The following TTN variants were observed in gnomAD, a reference collection of about 807,000 sequenced individuals.
TTN encodes the protein connectin.
In TTN, 1,525 loss-of-function variants were observed where a neutral mutation model predicts 3,223.0. The ratio of observed to expected loss-of-function variants is 0.47; its 90% CI spans 0.45 to 0.49. TTN has a LOEUF of 0.49. Ranked by LOEUF, TTN falls within the 20% of genes least tolerant of loss-of-function variation. TTN has a pLI of 0.00. For missense variants in TTN, 40,786 were observed against 43,424.0 expected (o/e 0.94, Z 5.40); for synonymous variants, 14,094 against 15,161.0 (o/e 0.93, Z 5.17).
In TTN at chr2:178,786,068, GGC is replaced by G; in HGVS notation, c.2148_2149del (p.Glu716AspfsTer8). On this transcript the variant is annotated frameshift_variant, in exon 14 of 363. Coordinates refer to ENST00000589042, the MANE Select transcript of TTN (RefSeq NM_001267550.2). LOFTEE classifies it high-confidence loss of function. ...TTCTTCAAGATGCCCAGGCTCTCTG[GGC>G]TCTCTGACTCGGGCCTGGTCTACTG... 6.2e-7 allele frequency: 1 copy of G among 1,613,968 alleles called. No individual in the cohort carries two copies. The highest frequency in any genetic ancestry group is 8.5e-7 in the Non-Finnish European group (1 of 1,179,996).
In TTN at chr2:178,617,215, C is replaced by A. The variant is rs2057501392; in HGVS notation, c.47780G>T (p.Gly15927Val). The stretch of plus-strand genomic sequence containing the variant: ...AGATACTCTATATAAATATTTATTT[C>A]CTTTTTCCAATCCGGTAACCTACGA... ...LTYKVTGLEK[G>V]NKYLYRVSAE... The change falls in exon 255 of 363, where the codon GGA becomes GTA. Residue 15927 changes from glycine (G) to valine (V), a missense_variant. Transcript: ENST00000589042. 6.4e-7 allele frequency: 1 copy of A among 1,551,976 alleles called. No individual in the cohort carries two copies. Among genetic ancestry groups the A allele is most frequent in the Non-Finnish European group, 8.7e-7 (1 of 1,150,586 alleles).
In TTN at chr2:178,679,948, C is replaced by T; in HGVS notation, c.33526G>A (p.Glu11176Lys). 6.2e-7 allele frequency: 1 copy of T among 1,613,146 alleles called. No individual in the cohort carries two copies. Among genetic ancestry groups the T allele is most frequent in the Non-Finnish European group, 8.5e-7 (1 of 1,179,398 alleles). ...TCCTCAGTTATGAACTCCTCTTCTT[C>T]ATGAATGTACTCTTCTTCTTCTTCT... ...LVEEEEEYIH[E>K]EEEFITEEEV... The change falls in exon 140 of 363, where the codon GAA becomes AAA. Residue 11176 changes from glutamate (E) to lysine (K), a missense_variant. By Grantham distance (56) the Glu-to-Lys change is moderately conservative. Transcript: ENST00000589042.
chr2:178,718,262 A>C, intron 85 of TTN, 41 bp from the exon 86 acceptor site: 1 of 1,595,036 alleles, frequency 6.3e-7, no homozygotes, highest in South Asian at 1.1e-5. Context: ...CAGTCATGCC[A>C]TGTAAAAGAG....
chr2:178,771,650 G>A (rs1321738110), intron 33 of TTN, among the ~76,000 whole-genome samples, 179 bp from the exon 34 acceptor site: 1 of 152,166 alleles, frequency 6.6e-6, no homozygotes, highest in East Asian at 1.9e-4. Context: ...TTCTAAGTAT[G>A]CATAACTGAT....
chr2:178,681,822 T>A, intron 135 of TTN, 84 bp from the exon 136 acceptor site: 1 of 1,210,008 alleles, frequency 8.3e-7, no homozygotes. Flanking sequence ...ATAATTGAAA[T>A]AATATCTTTT....
intron 15 of TTN, 83 bp from the exon 16 acceptor site, chr2:178,784,434 T>C (rs2093023268): frequency 2.0e-6 from 3 of 1,534,756 alleles, no homozygotes; most frequent in African/African-American, 1.4e-5. Context: ...TGAGCCTATT[T>C]TCTATAAGGT....
rs185823757 is a variant in TTN, at chr2:178,723,511, A to G, written c.21589T>C (p.Phe7197Leu). ...CCACTCTGAGATATGTCAATATTAA[A>G]TAATTCCAGTTCTGCCACAGTGTCT... is the stretch of plus-strand genomic sequence containing the variant. ...FEDTVAELELFNIDISQSGEY... is the reference protein window; with the variant it reads ...FEDTVAELELLNIDISQSGEY... Residue 7197 changes from phenylalanine to leucine, a missense_variant, in exon 74 of 363, where the codon TTT (phenylalanine) becomes CTT (leucine). Transcript: ENST00000589042. The G allele has an allele frequency of 5.6e-6, 9 of 1,613,382 alleles. No individual in the cohort carries two copies. The East Asian group carries it at 2.0e-4, about 36-fold the overall frequency.
At position 178,768,125 on chromosome 2, in the gene TTN, T is replaced by G. The variant is rs747328944; in HGVS notation, c.9194A>C (p.Lys3065Thr). The change falls in exon 39 of 363, where the codon AAG becomes ACG. Residue 3065 changes from lysine (K) to threonine (T), a missense_variant. Physicochemically the swap from Lys to Thr is moderately conservative, Grantham distance 78. Coordinates refer to ENST00000589042, the MANE Select transcript of TTN (RefSeq NM_001267550.2). ...CTTCTTCTCCAGTACCTTAATGTCC[T>G]TAATGTGTTTCCTAAATTCTATATG... is the stretch of plus-strand genomic sequence containing the variant. ...ARHIEFRKHI[K>T]DIKVLEKKRA... 3.1e-6 allele frequency: 5 copies of G among 1,614,102 alleles called. No homozygotes were observed. In the Admixed American group the frequency reaches 8.3e-5, roughly 27 times the overall value.
intron 43 of TTN, among the ~76,000 whole-genome samples, chr2:178,763,879 G>A (rs2089833589): frequency 6.6e-6 from 1 of 152,098 alleles, no homozygotes; most frequent in Non-Finnish European, 1.5e-5. Context: ...AAATTAAAGT[G>A]CAGCTACAAT....
In TTN at chr2:178,774,992, T is replaced by C. The variant is rs745532581; in HGVS notation, c.6719A>G (p.Asp2240Gly). 3 of 1,613,738 alleles carry C rather than the reference T, an allele frequency of 1.9e-6. No individual in the cohort carries two copies. In the East Asian group the frequency reaches 6.7e-5, roughly 36 times the overall value. The stretch of plus-strand genomic sequence containing the variant: ...AAGTACACAGCTGTAATCTTCAGCA[T>C]CAGACGTATCAATGGTCAGTATGGA... ...FLSILTIDTSDAEDYSCVLVE... is the reference protein window; with the variant it reads ...FLSILTIDTSGAEDYSCVLVE... The change falls in exon 29 of 363, where the codon GAT (aspartate) becomes GGT (glycine). Residue 2240 changes from aspartate to glycine, a missense_variant. Transcript: ENST00000589042.
intron 34 of TTN, 130 bp downstream of exon 34, chr2:178,771,081 T>C: frequency 2.1e-6 from 3 of 1,435,692 alleles, no homozygotes; most frequent in Non-Finnish European, 2.9e-6. Flanking sequence ...CAGGAAGGTT[T>C]AGAGGATCTA....
chr2:178,641,825 GTTAT>G (rs1171537976), intron 219 of TTN, among the ~76,000 whole-genome samples: 2 of 151,704 alleles, frequency 1.3e-5, no homozygotes, highest in East Asian at 1.9e-4. Context: ...TTTTAAAAAT[GTTAT>G]TTATTAGTTG....
rs953569145 is a variant in TTN at position 178,528,958 on chromosome 2, T to G, written c.106793A>C (p.Gln35598Pro). 1.2e-6 allele frequency: 2 copies of G among 1,614,004 alleles called. No homozygotes were observed. The highest frequency in any genetic ancestry group is 1.1e-5 in the South Asian group (1 of 91,082). ...IVHEEITKTS[Q>P]ASEEVRTHAE... ...ATGAGTTCTGACTTCTTCTGATGCC[T>G]GTGATGTTTTAGTGATTTCCTCATG... The change falls in exon 360 of 363, where the codon CAG (glutamine) becomes CCG (proline). Residue 35598 changes from glutamine to proline, a missense_variant. Physicochemically the swap from Gln to Pro is moderately conservative, Grantham distance 76. Coordinates refer to ENST00000589042, the MANE Select transcript of TTN (RefSeq NM_001267550.2).
chr2:178,547,178 T>C lies in TTN; in HGVS notation c.94347A>G (p.Glu31449=). The change falls in exon 340 of 363, where the codon GAA becomes GAG. Residue 31449 remains glutamate, a synonymous_variant. Coordinates refer to ENST00000589042, the MANE Select transcript of TTN (RefSeq NM_001267550.2). ...CTTTCACCCAAAGAATTGTATTACGTTCTTTCTTCTCAACCCAGTAGCCAA... is the reference window on the plus strand; with the variant it reads ...CTTTCACCCAAAGAATTGTATTACGCTCTTTCTTCTCAACCCAGTAGCCAA... ...KIIGYWVEKK[E]RNTILWVKEN... The C allele has an allele frequency of 6.2e-7, 1 of 1,613,868 alleles. No individual in the cohort carries two copies. Among genetic ancestry groups the C allele is most frequent in the Non-Finnish European group, 8.5e-7 (1 of 1,179,784 alleles).
In TTN at chr2:178,577,598, C is replaced by G. The variant is rs963223582; in HGVS notation, c.68824+4G>C. On this transcript the variant is annotated splice_donor_region_variant and intron_variant, in intron 323 of 362. Coordinates refer to ENST00000589042, the MANE Select transcript of TTN (RefSeq NM_001267550.2). Reference sequence around the variant, plus strand: ...AAAGTACATAAAAAGTAAAATGGACCTACCGTATTCATCCTTGCAAATAAT... The same window carrying G: ...AAAGTACATAAAAAGTAAAATGGACGTACCGTATTCATCCTTGCAAATAAT... 13 of 1,581,830 alleles carry G rather than the reference C, an allele frequency of 8.2e-6. No homozygotes were observed. Among genetic ancestry groups the G allele is most frequent in the African/African-American group, 1.4e-5 (1 of 73,236 alleles).
intron 69 of TTN, 87 bp downstream of exon 69, chr2:178,727,003 A>C: frequency 8.0e-7 from 1 of 1,244,290 alleles, no homozygotes; most frequent in Non-Finnish European, 1.0e-6. Flanking sequence ...ATGGAAACTA[A>C]AATGATAGTA....
At chr2:178,598,092 A>G in intron 292 of TTN, 34 bp from the exon 293 acceptor site, 1 of 1,597,716 alleles carries the variant, frequency 6.3e-7, no homozygotes, top group Middle Eastern at 1.7e-4. Context: ...TATAATTAGA[A>G]TAGTTCTTTG....
chr2:178,667,413 C>T (rs1193526025), intron 161 of TTN, 29 bp downstream of exon 161: 3 of 1,584,248 alleles, frequency 1.9e-6, no homozygotes, highest in Non-Finnish European at 2.6e-6. Context: ...TAAAGATACT[C>T]ATCTGGGTTT....
chr2:178,673,110 C>A (rs1321027497), intron 152 of TTN, among the ~76,000 whole-genome samples: 1 of 151,756 alleles, frequency 6.6e-6, no homozygotes, highest in Non-Finnish European at 1.5e-5. Context: ...ACAGCATAAT[C>A]TAACTGCTTA....
Sources: allele counts gnomAD v4.1 joint callset (sites outside exome capture counted in the v4.1 genomes callset), GRCh38; gene constraint gnomAD v4.1.1; transcripts MANE v1.5; gene names NCBI Gene and HGNC (gene_info 2026-07-23, HGNC 2026-07-21).